ZSCAN5A: variants seen among roughly 807,000 people sequenced by gnomAD.
ZSCAN5A encodes zinc finger and SCAN domain containing 5A, also known as zinc finger and SCAN domain-containing protein 5A.
A neutral mutation model predicts 23.7 loss-of-function variants in ZSCAN5A; 12 were observed. The observed-to-expected ratio is 0.51, with a 90% CI of 0.32 to 0.82. The LOEUF is 0.82. Among genes scored for constraint, ZSCAN5A ranks in the 40% least tolerant of loss-of-function variants. The pLI is 0.03. For synonymous variants in ZSCAN5A, 257 were observed against 239.9 expected (o/e 1.07, Z -0.66); for missense variants, 597 against 617.9 (o/e 0.97, Z 0.36).
chr19:56,321,520 A>G, intron 2 of ZSCAN5A: 3 of 729,690 alleles, frequency 4.1e-6, no homozygotes, highest in Non-Finnish European at 7.7e-6. Flanking sequence ...ACTCACACGC[A>G]CTTTCGCTGT....
intron 2 of ZSCAN5A, among the ~76,000 whole-genome samples, chr19:56,360,707 A>T (rs1316451285): frequency 6.7e-6 from 1 of 149,414 alleles, no homozygotes; most frequent in Non-Finnish European, 1.5e-5. Context: ...ACTTATATGT[A>T]AAAAAAAAAT....
rs1419376530 is a variant in ZSCAN5A, at chr19:56,351,087, G to T, written c.-358+12148C>A. Among the ~76,000 whole-genome samples, 1 of 151,920 alleles carries T rather than the reference G, an allele frequency of 6.6e-6. No homozygotes were observed. The highest frequency in any genetic ancestry group is 1.5e-5 in the Non-Finnish European group (1 of 67,992). ...AGCAGTTAGGTTTACTTCTCTTTGA[G>T]GGGGGGATATTACAGGAGTTATTAA... On this transcript the variant is annotated intron_variant, in intron 2 of 6. Coordinates refer to the ZSCAN5A transcript ENST00000587340. The surrounding 1 kb of genome is among the most constrained non-coding windows in gnomAD (Gnocchi z 4.8).
intron 2 of ZSCAN5A, chr19:56,283,142 C>CA (rs1165191985): frequency 6.6e-6 from 1 of 152,214 alleles, no homozygotes; most frequent in African/African-American, 2.4e-5. Context: ...CTTACGGTTG[C>CA]AAAACATTTT....
At position 56,335,486 on chromosome 19, in the gene ZSCAN5A, G is replaced by A. The variant is rs530337047; in HGVS notation, c.-357-19218C>T. Among the ~76,000 whole-genome samples the A allele has an allele frequency of 2.6e-3, 399 of 152,306 alleles. 3 individuals are homozygous for A. The highest frequency in any genetic ancestry group is 9.0e-3 in the African/African-American group (374 of 41,552). On this transcript the variant is annotated intron_variant, in intron 2 of 6. Coordinates refer to the ZSCAN5A transcript ENST00000587340. ...TTTGAGCCTATGTGTGTCTCTGCAT[G>A]TGAGATGAGTTTCCTGAATACAGCA...
chr19:56,280,201 G>A (rs1345762245), intron 2 of ZSCAN5A, among the ~76,000 whole-genome samples: 1 of 152,154 alleles, frequency 6.6e-6, no homozygotes, highest in African/African-American at 2.4e-5. Flanking sequence ...ACACTGTTCT[G>A]TATGCACCTT....
At chr19:56,261,155 C>G (rs1365929202) in intron 2 of ZSCAN5A, among the ~76,000 whole-genome samples, 1 of 151,370 alleles carries the variant, frequency 6.6e-6, no homozygotes, top group Non-Finnish European at 1.5e-5. Context: ...TTGCAGTGAG[C>G]TGAGATTGTG....
intron 2 of ZSCAN5A, among the ~76,000 whole-genome samples, chr19:56,254,801 G>A (rs1341983026): frequency 6.6e-6 from 1 of 152,126 alleles, no homozygotes. Flanking sequence ...TAGTGAGGTG[G>A]AGTGCCTTTT....
Position 56,246,953 on chromosome 19 carries a change from ACAG to A in ZSCAN5A, c.-127-21783_-127-21781del, listed in dbSNP as rs772467594. On this transcript the variant is annotated intron_variant, in intron 2 of 5. Coordinates refer to ENST00000683990, the MANE Select transcript of ZSCAN5A (RefSeq NM_001322064.3). The stretch of plus-strand genomic sequence containing the variant: ...CAAGGAGGAGCCACACCTGTGGGCA[ACAG>A]CGAATCCCCAGGAAAACCTGAGATA... 2.0e-6 allele frequency: 3 copies of A among 1,522,048 alleles called. No individual in the cohort carries two copies. The South Asian group carries it at 3.4e-5, about 17-fold the overall frequency. 94.3% of individuals were successfully genotyped at this position (1,522,048 alleles called of 1,614,324 possible).
At chr19:56,269,699 T>C (rs1054564595) in intron 2 of ZSCAN5A, among the ~76,000 whole-genome samples, 1 of 151,418 alleles carries the variant, frequency 6.6e-6, no homozygotes, top group African/African-American at 2.4e-5. Flanking sequence ...TGGGAGAGGG[T>C]TGGAGAGAGA....
At chr19:56,342,756 C>G in intron 2 of ZSCAN5A, 2 of 689,042 alleles carry the variant, frequency 2.9e-6, no homozygotes, top group Non-Finnish European at 5.3e-6. Flanking sequence ...TCATCCAAGG[C>G]CAACCATCCC....
At chr19:56,345,314 C>A (rs576739815) in intron 2 of ZSCAN5A, among the ~76,000 whole-genome samples, 1 of 152,226 alleles carries the variant, frequency 6.6e-6, no homozygotes, top group African/African-American at 2.4e-5. Context: ...TATATATTTT[C>A]ATTAGTGAAA....
chr19:56,249,110 C>G (rs1476277162), intron 2 of ZSCAN5A, among the ~76,000 whole-genome samples: 2 of 152,060 alleles, frequency 1.3e-5, no homozygotes, highest in Non-Finnish European at 2.9e-5. Flanking sequence ...TGATTTGAAT[C>G]TTGAACTACA....
intron 2 of ZSCAN5A, among the ~76,000 whole-genome samples, chr19:56,243,835 T>C (rs1380025546): frequency 6.7e-6 from 1 of 150,264 alleles, no homozygotes; most frequent in Admixed American, 6.6e-5. Flanking sequence ...GCTGAAGAAG[T>C]GGCGTCCAGG....
chr19:56,297,548 G>A (rs771348952), intron 2 of ZSCAN5A: 18 of 983,050 alleles, frequency 1.8e-5, no homozygotes, highest in Non-Finnish European at 1.8e-5. Context: ...GCTTGGGGTC[G>A]TACCATTCCT....
intron 2 of ZSCAN5A, among the ~76,000 whole-genome samples, chr19:56,265,663 G>A (rs1000711110): frequency 6.6e-6 from 1 of 152,026 alleles, no homozygotes; most frequent in Non-Finnish European, 1.5e-5. Context: ...AGTGAAGGCT[G>A]GAGAGTGGGT....
intron 2 of ZSCAN5A, among the ~76,000 whole-genome samples, chr19:56,262,907 G>T (rs60505658): frequency 6.6e-5 from 10 of 152,080 alleles, no homozygotes; most frequent in African/African-American, 2.2e-4. Flanking sequence ...TATCTATATG[G>T]GTAATTATGC....
intron 2 of ZSCAN5A, among the ~76,000 whole-genome samples, chr19:56,256,939 C>T (rs73621065): frequency 0.064 from 9,790 of 152,020 alleles, 1,032 homozygotes; most frequent in African/African-American, 0.22. Flanking sequence ...GGGATCCCCC[C>T]GAAAGGGAAA....
intron 2 of ZSCAN5A, among the ~76,000 whole-genome samples, chr19:56,225,913 T>C (rs1192943859): frequency 6.7e-6 from 1 of 150,366 alleles, no homozygotes; most frequent in African/African-American, 2.5e-5. Context: ...AGGGTTTCTG[T>C]ATTCCTAATC....
chr19:56,230,099 C>A (rs1027262525), intron 2 of ZSCAN5A, among the ~76,000 whole-genome samples: 12 of 152,046 alleles, frequency 7.9e-5, no homozygotes, highest in Non-Finnish European at 1.6e-4. Context: ...ACTTTCCCAA[C>A]ACATTATTAT....
Sources: gnomAD v4.1 joint callset for allele counts (sites outside exome capture counted in the v4.1 genomes callset) on GRCh38, gnomAD v4.1.1 for gene constraint, Gnocchi (gnomAD v3.1) non-coding constraint, MANE v1.5 for transcripts, NCBI Gene and HGNC (gene_info 2026-07-23, HGNC 2026-07-21) for gene names.